The following SLC10A6 variants were observed in gnomAD, a reference collection of about 807,000 sequenced individuals.
SLC10A6 encodes sodium-dependent organic anion transporter.
A neutral mutation model predicts 30.0 loss-of-function variants in SLC10A6; 27 were observed. The observed-to-expected ratio is 0.90, with a 90% CI of 0.66 to 1.24. The LOEUF is 1.24. SLC10A6 is among the 50% of genes most tolerant of loss of function. The pLI is 0.00. For synonymous variants in SLC10A6, 166 were observed against 173.8 expected, an observed-to-expected ratio of 0.95 and a Z score of 0.36; for missense variants, 439 against 457.0, an observed-to-expected ratio of 0.96 and a Z score of 0.36.
intron 1 of SLC10A6, among the ~76,000 whole-genome samples, chr4:86,843,347 G>A (rs1454433100): frequency 6.6e-6 from 1 of 152,144 alleles, no homozygotes; most frequent in Non-Finnish European, 1.5e-5. Context: ...AAGTAGCCCA[G>A]CTATTGCAAT....
chr4:86,837,074 T>C (rs115401810), intron 1 of SLC10A6, among the ~76,000 whole-genome samples: 2,596 of 151,750 alleles, frequency 0.017, 78 homozygotes, highest in African/African-American at 0.058. Context: ...ATTTTCCATA[T>C]ATATTTTTGG....
intron 1 of SLC10A6, among the ~76,000 whole-genome samples, chr4:86,838,247 G>A (rs1291540174): frequency 6.6e-6 from 1 of 152,054 alleles, no homozygotes; most frequent in Non-Finnish European, 1.5e-5. Context: ...ATGGCCCTCT[G>A]GACATGGTTT....
At chr4:86,833,553 C>T (rs1746125153) in intron 1 of SLC10A6, 129 bp from the exon 2 acceptor site, 8 of 622,862 alleles carry the variant, frequency 1.3e-5, no homozygotes, top group Admixed American at 2.7e-5. Context: ...GAGCTCATTT[C>T]TCTCCCGTTG....
chr4:86,826,087 G>A (rs930411315), intron 4 of SLC10A6, among the ~76,000 whole-genome samples: 43 of 152,144 alleles, frequency 2.8e-4, no homozygotes, highest in African/African-American at 9.4e-4. Flanking sequence ...ATGGAAAGTT[G>A]AGTTAGAGAT....
chr4:86,849,187 A>G lies in SLC10A6; in HGVS notation c.-72T>C. The G allele has an allele frequency of 6.7e-7, 1 of 1,502,842 alleles. No individual in the cohort carries two copies. Among genetic ancestry groups the G allele is most frequent in the African/African-American group, 1.4e-5 (1 of 71,842 alleles). 93.1% of individuals were successfully genotyped at this position (1,502,842 alleles called of 1,614,324 possible). Reference sequence around the variant, plus strand: ...TGGCTGGGCAGGTCTATCCTGCCACATTTTGTAATAGTGCAACGAAGTCAC... The same window carrying G: ...TGGCTGGGCAGGTCTATCCTGCCACGTTTTGTAATAGTGCAACGAAGTCAC... On this transcript the variant is annotated 5_prime_UTR_variant, in exon 1 of 6. An upstream start codon of the reference 5' UTR is lost. Transcript: ENST00000273905.
chr4:86,823,991 T>A (rs562182744), intron 5 of SLC10A6, 89 bp from the exon 6 acceptor site: 1 of 1,220,426 alleles, frequency 8.2e-7, no homozygotes, highest in South Asian at 1.5e-5. Flanking sequence ...CTTCAGGTGT[T>A]TGTTTCAGTG....
Position 86,848,981 on chromosome 4 carries a change from G to T in SLC10A6, c.135C>A (p.Leu45=). 1 of 1,614,114 alleles carries T rather than the reference G, an allele frequency of 6.2e-7. No homozygotes were observed. The highest frequency in any genetic ancestry group is 8.5e-7 in the Non-Finnish European group (1 of 1,180,024). The change falls in exon 1 of 6, where the codon CTC becomes CTA. Residue 45 remains leucine (L), a synonymous_variant. Transcript: ENST00000273905. ...TVVSTVMMGL[L]MFSLGCSVEI... is the part of the protein sequence containing the mutation. ...CCACGGAACATCCCAAAGAGAACAT[G>T]AGCAGCCCCATCATCACAGTGGACA... is the stretch of plus-strand genomic sequence containing the variant.
rs200494131 is a variant in SLC10A6, at chr4:86,825,526, G to C, written c.813C>G (p.Ile271Met). The C allele has an allele frequency of 1.1e-5, 18 of 1,612,256 alleles. No individual in the cohort carries two copies. In the African/African-American group the frequency reaches 2.1e-4, roughly 19 times the overall value. ...ETGAQNIQMC[I>M]TMLQLSFTAE... ...CAGTGAAAGATAACTGGAGCATGGTGATGCACATCTGAATATTCTGAGCTC... is the reference window on the plus strand; with the variant it reads ...CAGTGAAAGATAACTGGAGCATGGTCATGCACATCTGAATATTCTGAGCTC... The change falls in exon 5 of 6, where the codon ATC becomes ATG. Residue 271 changes from isoleucine (I) to methionine (M), a missense_variant. Transcript: ENST00000273905.
Position 86,848,980 on chromosome 4 carries a change from T to C in SLC10A6, c.136A>G (p.Met46Val), listed in dbSNP as rs901691780. 12 of 1,613,956 alleles carry C rather than the reference T, an allele frequency of 7.4e-6. No homozygotes were observed. Among genetic ancestry groups the C allele is most frequent in the Middle Eastern group, 1.6e-4 (1 of 6,084 alleles). The change falls in exon 1 of 6, where the codon ATG becomes GTG. Residue 46 changes from methionine (M) to valine (V), a missense_variant. Met to Val is a conservative substitution (Grantham distance 21, BLOSUM62 1). Coordinates refer to ENST00000273905, the MANE Select transcript of SLC10A6 (RefSeq NM_197965.3). ...TCCACGGAACATCCCAAAGAGAACA[T>C]GAGCAGCCCCATCATCACAGTGGAC... ...VVSTVMMGLL[M>V]FSLGCSVEIR...
chr4:86,847,333 C>A (rs887762868), intron 1 of SLC10A6, among the ~76,000 whole-genome samples: 3 of 152,160 alleles, frequency 2.0e-5, no homozygotes, highest in Non-Finnish European at 2.9e-5. Context: ...TTTCCTTTTT[C>A]TTTCCAAAAA....
intron 1 of SLC10A6, among the ~76,000 whole-genome samples, chr4:86,843,815 G>A (rs551949705): frequency 6.6e-6 from 1 of 152,192 alleles, no homozygotes; most frequent in East Asian, 1.9e-4. Flanking sequence ...GAGATTCTAA[G>A]CACTTTAGAA....
chr4:86,832,585 T>C (rs1004247413), intron 2 of SLC10A6, among the ~76,000 whole-genome samples: 2 of 133,316 alleles, frequency 1.5e-5, no homozygotes, highest in Non-Finnish European at 3.1e-5. Context: ...AGCAAAACTC[T>C]GTCTCAAAAA....
intron 1 of SLC10A6, chr4:86,837,649 TATTTTGTACCTACCTGA>T: frequency 1.2e-5 from 12 of 985,208 alleles, no homozygotes; most frequent in Non-Finnish European, 1.4e-5. Flanking sequence ...GTTAAGGCTG[TATTTTGTACCTACCTGA>T]GTGATAGAAC....
At chr4:86,841,809 G>T (rs1746294586) in intron 1 of SLC10A6, among the ~76,000 whole-genome samples, 1 of 152,106 alleles carries the variant, frequency 6.6e-6, no homozygotes, top group African/African-American at 2.4e-5. Flanking sequence ...CCGACTGAAA[G>T]AAATAAAAAA....
intron 3 of SLC10A6, 42 bp downstream of exon 3, chr4:86,831,750 T>G: frequency 1.3e-6 from 2 of 1,538,796 alleles, no homozygotes; most frequent in Non-Finnish European, 1.8e-6. Flanking sequence ...TTCAGGCCCC[T>G]GAGTCTGAGG....
intron 1 of SLC10A6, among the ~76,000 whole-genome samples, chr4:86,836,035 T>C (rs1746179437): frequency 6.6e-6 from 1 of 152,130 alleles, no homozygotes; most frequent in African/African-American, 2.4e-5. Flanking sequence ...AAGTGAAATG[T>C]GGGTTTGTGA....
intron 1 of SLC10A6, among the ~76,000 whole-genome samples, chr4:86,837,227 GAAAGAAAGAAAGAA>G (rs1331362109): frequency 1.9e-4 from 11 of 58,840 alleles, no homozygotes; most frequent in Non-Finnish European, 2.7e-4. Flanking sequence ...GAGAGAGAGA[GAAAGAAAGAAAGAA>G]AGAAAGAAAG....
At chr4:86,827,495 C>T (rs1746016343) in intron 4 of SLC10A6, among the ~76,000 whole-genome samples, 1 of 152,194 alleles carries the variant, frequency 6.6e-6, no homozygotes, top group Non-Finnish European at 1.5e-5. Flanking sequence ...AAATTCCCAA[C>T]TTTCACCTTT....
intron 1 of SLC10A6, among the ~76,000 whole-genome samples, chr4:86,841,339 C>T (rs1746285007): frequency 6.6e-6 from 1 of 152,190 alleles, no homozygotes; most frequent in Admixed American, 6.5e-5. Context: ...TCCTGGTGCT[C>T]TGCCAACTGT....
Sources: allele counts gnomAD v4.1 joint callset (sites outside exome capture counted in the v4.1 genomes callset), GRCh38; gene constraint gnomAD v4.1.1; transcripts MANE v1.5; gene names NCBI Gene and HGNC (gene_info 2026-07-23, HGNC 2026-07-21).